Variants in SKAP1 observed in about 807,000 individuals in gnomAD.
SKAP1 encodes src kinase associated phosphoprotein 1.
In SKAP1, 44 loss-of-function variants were observed where a neutral mutation model predicts 58.5. The observed-to-expected ratio is 0.75, with a 90% CI of 0.59 to 0.97. SKAP1 has a LOEUF of 0.97. Ranked by LOEUF, SKAP1 falls within the 50% of genes least tolerant of loss-of-function variation. SKAP1 has a pLI of 0.00. For synonymous variants in SKAP1, 127 were observed against 149.7 expected (o/e 0.85, Z 1.11); for missense variants, 390 against 435.2 (o/e 0.90, Z 0.92).
chr17:48,234,449 G>T (rs563162501), intron 4 of SKAP1, among the ~76,000 whole-genome samples: 12 of 152,308 alleles, frequency 7.9e-5, no homozygotes, highest in Non-Finnish European at 4.4e-5. Flanking sequence ...GGATGAAATT[G>T]GTACAGGGCT....
chr17:48,212,558 A>T (rs2064886599), intron 4 of SKAP1, among the ~76,000 whole-genome samples: 2 of 152,224 alleles, frequency 1.3e-5, no homozygotes, highest in Non-Finnish European at 2.9e-5. Flanking sequence ...GCTTAAAAAG[A>T]TTCTGATCAA....
At chr17:48,243,102 C>T (rs1451562414) in intron 4 of SKAP1, among the ~76,000 whole-genome samples, 2 of 152,178 alleles carry the variant, frequency 1.3e-5, no homozygotes, top group Non-Finnish European at 2.9e-5. Context: ...AAATGTAACT[C>T]GTCACACACT....
chr17:48,302,138 C>G (rs1392588499), intron 4 of SKAP1, among the ~76,000 whole-genome samples: 3 of 152,142 alleles, frequency 2.0e-5, no homozygotes, highest in Non-Finnish European at 4.4e-5. Context: ...TCAAGTGAGT[C>G]TCCCACTGAC....
At chr17:48,317,973 CAATAA>C (rs1217392093) in intron 4 of SKAP1, among the ~76,000 whole-genome samples, 1 of 151,974 alleles carries the variant, frequency 6.6e-6, no homozygotes, top group Non-Finnish European at 1.5e-5. Context: ...ACAGAAGTAT[CAATAA>C]AATGAAAAGA....
At chr17:48,236,645 A>T (rs1331259627) in intron 4 of SKAP1, among the ~76,000 whole-genome samples, 1 of 152,222 alleles carries the variant, frequency 6.6e-6, no homozygotes, top group Admixed American at 6.5e-5. Context: ...AACGAATAGG[A>T]TGTTAACTGA....
At chr17:48,208,244 C>T (rs1041150426) in intron 4 of SKAP1, among the ~76,000 whole-genome samples, 5 of 152,182 alleles carry the variant, frequency 3.3e-5, no homozygotes, top group African/African-American at 1.2e-4. Context: ...AGGAAGGAGG[C>T]TGTGCTCTCT....
intron 2 of SKAP1, among the ~76,000 whole-genome samples, chr17:48,375,481 T>C (rs1211039982): frequency 6.6e-6 from 1 of 152,226 alleles, no homozygotes; most frequent in African/African-American, 2.4e-5. Flanking sequence ...AGTATAAACA[T>C]TAAGAAACCT....
chr17:48,138,644 A>G (rs2063731963), intron 11 of SKAP1, among the ~76,000 whole-genome samples: 2 of 152,254 alleles, frequency 1.3e-5, no homozygotes, highest in South Asian at 4.1e-4. Flanking sequence ...TGCTGGGATT[A>G]CAAGCGTGAG....
intron 11 of SKAP1, among the ~76,000 whole-genome samples, chr17:48,151,765 A>G (rs919502168): frequency 6.6e-6 from 1 of 152,256 alleles, no homozygotes; most frequent in Non-Finnish European, 1.5e-5. Flanking sequence ...CAAATACAGA[A>G]TATTATCAGG....
chr17:48,336,867 G>A (rs2144290965), intron 4 of SKAP1, among the ~76,000 whole-genome samples: 1 of 152,242 alleles, frequency 6.6e-6, no homozygotes, highest in Admixed American at 6.5e-5. Flanking sequence ...AGAGAGAAGA[G>A]CTAGTAATTC....
chr17:48,247,377 G>A (rs2065308302), intron 4 of SKAP1, among the ~76,000 whole-genome samples: 1 of 152,166 alleles, frequency 6.6e-6, no homozygotes, highest in Non-Finnish European at 1.5e-5. Context: ...AGTTACAGAG[G>A]AAGCTGCCAA....
rs1055096714 is a variant in SKAP1 at position 48,150,423 on chromosome 17, G to A, written c.978+12046C>T. 2.0e-5 allele frequency among the ~76,000 whole-genome samples: 3 copies of A among 152,176 alleles called. 1 individual carries two copies. Among genetic ancestry groups the A allele is most frequent in the South Asian group, 4.1e-4 (2 of 4,832 alleles). ...AAAGCAGGAGAGGAGGAACAGGAAAGGTGTAGAGACCCCCTTGGTTACAAT... is the reference window on the plus strand; with the variant it reads ...AAAGCAGGAGAGGAGGAACAGGAAAAGTGTAGAGACCCCCTTGGTTACAAT... On this transcript the variant is annotated intron_variant, in intron 11 of 12. Transcript: ENST00000336915.
intron 11 of SKAP1, among the ~76,000 whole-genome samples, chr17:48,143,957 G>A (rs554806842): frequency 4.6e-5 from 7 of 152,350 alleles, no homozygotes; most frequent in Non-Finnish European, 8.8e-5. Context: ...ACAGGAAGCA[G>A]ATGAGTCTCA....
chr17:48,356,419 T>C (rs1019394669), intron 3 of SKAP1, among the ~76,000 whole-genome samples: 2 of 152,174 alleles, frequency 1.3e-5, no homozygotes, highest in African/African-American at 4.8e-5. Context: ...AAGTTAAGTA[T>C]GCCCAGAGCA....
chr17:48,431,502 T>C (rs28436607), upstream of SKAP1, among the ~76,000 whole-genome samples: 14,014 of 152,202 alleles, frequency 0.092, 988 homozygotes, highest in African/African-American at 0.17. Context: ...AGCCCTCTTT[T>C]ACTGGATGTT....
At chr17:48,242,093 C>T (rs992572523) in intron 4 of SKAP1, among the ~76,000 whole-genome samples, 1 of 152,176 alleles carries the variant, frequency 6.6e-6, no homozygotes, top group East Asian at 1.9e-4. Context: ...TTTTTCTCTG[C>T]GTTTGCAGTA....
chr17:48,395,137 C>A (rs371884228), intron 2 of SKAP1, among the ~76,000 whole-genome samples: 1 of 152,016 alleles, frequency 6.6e-6, no homozygotes, highest in African/African-American at 2.4e-5. Context: ...ATTCAGCTTG[C>A]GTGTGTGTTC....
intron 4 of SKAP1, among the ~76,000 whole-genome samples, chr17:48,211,536 A>G (rs561110802): frequency 2.0e-5 from 3 of 152,342 alleles, no homozygotes; most frequent in East Asian, 1.9e-4. Flanking sequence ...GCTGATTTAT[A>G]TATCTCTTAT....
intron 1 of SKAP1, among the ~76,000 whole-genome samples, chr17:48,411,761 A>C (rs1031975817): frequency 6.6e-6 from 1 of 152,190 alleles, no homozygotes; most frequent in Non-Finnish European, 1.5e-5. Flanking sequence ...TCTAGTTATG[A>C]GAAAAAGACC....
Sources: allele counts gnomAD v4.1 joint callset (sites outside exome capture counted in the v4.1 genomes callset), GRCh38; gene constraint gnomAD v4.1.1; transcripts MANE v1.5; gene names NCBI Gene and HGNC (gene_info 2026-07-23, HGNC 2026-07-21).